Variants in UBE3A observed in about 807,000 individuals in gnomAD.
UBE3A encodes the protein ubiquitin-protein ligase E3A.
A neutral mutation model predicts 83.4 loss-of-function variants in UBE3A; 6 were observed. The ratio of observed to expected loss-of-function variants is 0.07; its 90% CI spans 0.04 to 0.14. The LOEUF (loss-of-function observed/expected upper bound fraction) is 0.14. UBE3A is among the 10% of genes least tolerant of loss of function. The pLI is 1.00. For missense variants in UBE3A, 456 were observed against 1,036.1 expected (o/e 0.44, Z 7.69); for synonymous variants, 337 against 355.4 (o/e 0.95, Z 0.58).
chr15:25,404,623 C>T (rs1367452895), intron 4 of UBE3A, among the ~76,000 whole-genome samples: 1 of 152,128 alleles, frequency 6.6e-6, no homozygotes, highest in Non-Finnish European at 1.5e-5. Flanking sequence ...CTTACCACCA[C>T]ACGTTTCTCT....
intron 1 of UBE3A, among the ~76,000 whole-genome samples, chr15:25,432,539 A>G (rs1422206404): frequency 2.0e-5 from 3 of 152,208 alleles, no homozygotes; most frequent in Non-Finnish European, 4.4e-5. Flanking sequence ...TGAATTGCTG[A>G]AAGTATATAC....
Position 25,344,612 on chromosome 15 carries a change from G to A in UBE3A, c.2355-4384C>T, listed in dbSNP as rs142595289. Among the ~76,000 whole-genome samples the A allele has an allele frequency of 3.6e-3, 548 of 152,160 alleles. 7 individuals carry two copies. The highest frequency in any genetic ancestry group is 0.013 in the African/African-American group (527 of 41,528). Reference sequence around the variant, plus strand: ...TAAATACAAAAACATTCATTAGTTCGTAATATTCAAAAAGGCAGCAAAAAC... The same window carrying A: ...TAAATACAAAAACATTCATTAGTTCATAATATTCAAAAAGGCAGCAAAAAC... On this transcript the variant is annotated intron_variant, in intron 11 of 12. Transcript: ENST00000648336.
intron 4 of UBE3A, among the ~76,000 whole-genome samples, chr15:25,401,990 T>C (rs1421173813): frequency 6.6e-6 from 1 of 152,226 alleles, no homozygotes; most frequent in Non-Finnish European, 1.5e-5. Flanking sequence ...TTCATTGAGC[T>C]TCCTTAAACA....
intron 7 of UBE3A, among the ~76,000 whole-genome samples, chr15:25,358,641 C>T (rs1369571657): frequency 1.3e-5 from 2 of 152,010 alleles, no homozygotes; most frequent in Admixed American, 1.3e-4. Context: ...AGTATTTTAA[C>T]CTGTTTATAA....
intron 7 of UBE3A, 84 bp downstream of exon 7, chr15:25,360,299 C>G (rs1215420681): frequency 6.3e-7 from 1 of 1,579,020 alleles, no homozygotes; most frequent in East Asian, 2.3e-5. Context: ...CTCTTCATAG[C>G]TGAAAATATT....
intron 11 of UBE3A, among the ~76,000 whole-genome samples, chr15:25,341,508 A>C (rs2074792863): frequency 6.6e-6 from 1 of 151,904 alleles, no homozygotes; most frequent in Non-Finnish European, 1.5e-5. Flanking sequence ...TCATGCCTGT[A>C]ATCCCAGCAC....
chr15:25,394,417 A>G (rs1443877776), intron 4 of UBE3A, among the ~76,000 whole-genome samples: 4 of 152,236 alleles, frequency 2.6e-5, no homozygotes, highest in African/African-American at 9.6e-5. Flanking sequence ...GACCAAGAAT[A>G]TGATATGAGA....
At chr15:25,410,541 G>A (rs2089767458) in intron 2 of UBE3A, among the ~76,000 whole-genome samples, 2 of 152,142 alleles carry the variant, frequency 1.3e-5, no homozygotes, top group Non-Finnish European at 2.9e-5. Flanking sequence ...CATCCTCAAA[G>A]CAACAATAGT....
intron 6 of UBE3A, among the ~76,000 whole-genome samples, chr15:25,364,748 A>T (rs2152764573): frequency 6.8e-6 from 1 of 147,962 alleles, no homozygotes; most frequent in East Asian, 2.0e-4. Context: ...GGTTCATGCC[A>T]TTCTCCTGCC....
At chr15:25,410,963 G>A (rs2089880410) in intron 2 of UBE3A, among the ~76,000 whole-genome samples, 1 of 152,130 alleles carries the variant, frequency 6.6e-6, no homozygotes, top group South Asian at 2.1e-4. Context: ...TTTCCATCTT[G>A]TAAACACAAA....
chr15:25,385,433 A>T (rs2082944739), intron 4 of UBE3A, among the ~76,000 whole-genome samples: 1 of 152,182 alleles, frequency 6.6e-6, no homozygotes, highest in Non-Finnish European at 1.5e-5. Flanking sequence ...ACCATTAAAA[A>T]AACAGAAAAT....
At chr15:25,388,281 T>A (rs900129342) in intron 4 of UBE3A, among the ~76,000 whole-genome samples, 4 of 152,196 alleles carry the variant, frequency 2.6e-5, no homozygotes, top group Non-Finnish European at 5.9e-5. Flanking sequence ...CAGCACAAAG[T>A]AGGATTTATC....
chr15:25,413,467 A>AACAG (rs555961252), intron 1 of UBE3A, among the ~76,000 whole-genome samples: 12 of 152,148 alleles, frequency 7.9e-5, no homozygotes, highest in Non-Finnish European at 1.2e-4. Flanking sequence ...TACTTATTAA[A>AACAG]ACTGTCTAAG....
chr15:25,433,276 C>G (rs953702163), intron 1 of UBE3A, among the ~76,000 whole-genome samples: 2 of 151,940 alleles, frequency 1.3e-5, no homozygotes, highest in Admixed American at 1.3e-4. Flanking sequence ...CTCCGCCTCC[C>G]GTGTTCAAGC....
chr15:25,433,355 T>C (rs1036573822), intron 1 of UBE3A, among the ~76,000 whole-genome samples: 1 of 152,138 alleles, frequency 6.6e-6, no homozygotes, highest in African/African-American at 2.4e-5. Context: ...GGCTAATTTT[T>C]TTTTTGTATT....
At chr15:25,392,661 C>A (rs1217012625) in intron 4 of UBE3A, among the ~76,000 whole-genome samples, 1 of 152,002 alleles carries the variant, frequency 6.6e-6, no homozygotes, top group Non-Finnish European at 1.5e-5. Context: ...CAAAAGATGA[C>A]TAGGAGCTGA....
intron 1 of UBE3A, among the ~76,000 whole-genome samples, chr15:25,422,188 T>C (rs1188984105): frequency 6.6e-6 from 1 of 151,764 alleles, no homozygotes; most frequent in African/African-American, 2.4e-5. Flanking sequence ...CATGGAAGAG[T>C]ACATGTTACT....
At chr15:25,437,531 C>T (rs1895469021) in intron 1 of UBE3A, among the ~76,000 whole-genome samples, 1 of 152,160 alleles carries the variant, frequency 6.6e-6, no homozygotes, top group East Asian at 1.9e-4. Context: ...GTCATATCCA[C>T]ATTTCTTCAT....
chr15:25,375,328 T>C, intron 5 of UBE3A, 137 bp downstream of exon 5: 1 of 1,004,846 alleles, frequency 1.0e-6, no homozygotes, highest in African/African-American at 1.6e-5. Context: ...TCCTGTCCGT[T>C]ACCACAATAA....
Sources: gnomAD v4.1 joint callset for allele counts (sites outside exome capture counted in the v4.1 genomes callset) on GRCh38, gnomAD v4.1.1 for gene constraint, MANE v1.5 for transcripts, NCBI Gene and HGNC (gene_info 2026-07-23, HGNC 2026-07-21) for gene names.